The following CEP128 variants were observed in gnomAD, a reference collection of about 807,000 sequenced individuals.
CEP128 encodes centrosomal protein 128.
CEP128 carries 132 observed loss-of-function variants against 156.7 expected under a neutral mutation model. That is an observed-to-expected ratio of 0.84 (90% confidence interval 0.73 to 0.97). The LOEUF is 0.97. Ranked by LOEUF, CEP128 falls within the 50% of genes least tolerant of loss-of-function variation. The pLI is 0.00. For synonymous variants in CEP128, 469 were observed against 448.9 expected, an observed-to-expected ratio of 1.04 and a Z score of -0.57; for missense variants, 1,252 against 1,281.9, an observed-to-expected ratio of 0.98 and a Z score of 0.36.
At chr14:80,918,363 T>C (rs973309217) in intron 2 of CEP128, among the ~76,000 whole-genome samples, 1 of 152,192 alleles carries the variant, frequency 6.6e-6, no homozygotes, top group African/African-American at 2.4e-5. Context: ...TCAAGCATTT[T>C]CCATTAGTGA....
chr14:80,672,180 TAAAA>T (rs1895868680), intron 19 of CEP128, among the ~76,000 whole-genome samples: 1 of 151,708 alleles, frequency 6.6e-6, no homozygotes, highest in African/African-American at 2.4e-5. Context: ...TCATTACAAA[TAAAA>T]AAACTCAAGC....
chr14:80,761,373 C>T (rs1899958266), intron 17 of CEP128, 64 bp downstream of exon 17: 14 of 1,209,934 alleles, frequency 1.2e-5, no homozygotes, highest in Non-Finnish European at 1.6e-5. Context: ...CATGAAAATC[C>T]TATTACAATT....
downstream of CEP128, among the ~76,000 whole-genome samples, chr14:80,491,690 T>G (rs1051026317): frequency 6.6e-6 from 1 of 152,118 alleles, no homozygotes; most frequent in Non-Finnish European, 1.5e-5. Context: ...AGCCGATCAC[T>G]CTGCACCCAG....
chr14:80,943,495 A>T (rs888194191), upstream of CEP128, among the ~76,000 whole-genome samples: 8 of 151,896 alleles, frequency 5.3e-5, no homozygotes, highest in South Asian at 6.2e-4. Context: ...AGAGAATTGG[A>T]TTCTATTCTA....
rs574952460 is a variant in CEP128 at position 80,797,267 on chromosome 14, A to T, written c.1210-4157T>A. Among the ~76,000 whole-genome samples the T allele has an allele frequency of 1.4e-4, 22 of 152,328 alleles. No individual in the cohort carries two copies. In the South Asian group the frequency reaches 4.6e-3, roughly 32 times the overall value. ...GGCAAACTCTTTTGTTCTCACATTT[A>T]AAAACTGCGGACTCTTATATTAACA... On this transcript the variant is annotated intron_variant, in intron 13 of 24. Coordinates refer to ENST00000555265, the MANE Select transcript of CEP128 (RefSeq NM_152446.5).
chr14:80,676,941 G>A (rs1193863764), intron 19 of CEP128, among the ~76,000 whole-genome samples: 4 of 152,068 alleles, frequency 2.6e-5, no homozygotes, highest in Admixed American at 1.3e-4. Flanking sequence ...TGAATGAAAT[G>A]AGCCTAAAAT....
intron 13 of CEP128, among the ~76,000 whole-genome samples, chr14:80,827,884 T>C: frequency 6.6e-6 from 1 of 152,128 alleles, no homozygotes; most frequent in East Asian, 1.9e-4. Context: ...ATCTCAGTTT[T>C]TGCAATTACT....
Position 80,514,410 on chromosome 14 carries a change from A to AT in CEP128, c.3073-9391dup, listed in dbSNP as rs529317284. Among the ~76,000 whole-genome samples the AT allele has an allele frequency of 7.4e-3, 1,072 of 145,378 alleles. 18 individuals are homozygous for AT. The highest frequency in any genetic ancestry group is 0.024 in the African/African-American group (961 of 39,904). ...CTAGATCTTATAGGTGTACTTCATT[A>AT]TTTTTTTTTTTGTCTCCTCTGACTG... On this transcript the variant is annotated intron_variant, in intron 23 of 24. Transcript: ENST00000555265.
At chr14:80,639,167 G>A (rs1595133059) in intron 19 of CEP128, among the ~76,000 whole-genome samples, 1 of 152,174 alleles carries the variant, frequency 6.6e-6, no homozygotes, top group East Asian at 1.9e-4. Flanking sequence ...CCACAAATGA[G>A]ATTCAAATTC....
chr14:80,805,133 AGGTTT>A (rs2139910572), intron 13 of CEP128, among the ~76,000 whole-genome samples: 1 of 152,120 alleles, frequency 6.6e-6, no homozygotes, highest in South Asian at 2.1e-4. Flanking sequence ...ATAAACCTCA[AGGTTT>A]ATCCCAAACC....
intron 8 of CEP128, among the ~76,000 whole-genome samples, chr14:80,874,252 T>C (rs1888169112): frequency 6.6e-6 from 1 of 151,898 alleles, no homozygotes; most frequent in African/African-American, 2.4e-5. Context: ...CCATCTGAGG[T>C]CAGGAGTTTG....
At chr14:80,711,339 ATGTC>A (rs1897399474) in intron 19 of CEP128, among the ~76,000 whole-genome samples, 2 of 135,574 alleles carry the variant, frequency 1.5e-5, no homozygotes, top group Non-Finnish European at 3.2e-5. Flanking sequence ...GTGTGTCTAT[ATGTC>A]TGTGTGTGTG....
intron 23 of CEP128, among the ~76,000 whole-genome samples, chr14:80,520,838 T>A (rs1274599325): frequency 4.7e-5 from 7 of 150,150 alleles, no homozygotes; most frequent in Admixed American, 3.9e-4. Context: ...TTATTTATTT[T>A]TTGAGATGGA....
rs372674914 is a variant in CEP128, at chr14:80,871,979, T to C, written c.646-9106A>G. Among the ~76,000 whole-genome samples, 90 of 152,258 alleles carry C rather than the reference T, an allele frequency of 5.9e-4. 1 individual carries two copies. In the South Asian group the frequency reaches 0.017, roughly 28 times the overall value. On this transcript the variant is annotated intron_variant, in intron 8 of 24. Transcript: ENST00000555265. ...TTCAAAGTCCACTTAAATAAATATGTTATATATCCTGCTGCTGTGATCTAT... is the reference window on the plus strand; with the variant it reads ...TTCAAAGTCCACTTAAATAAATATGCTATATATCCTGCTGCTGTGATCTAT...
intron 20 of CEP128, among the ~76,000 whole-genome samples, chr14:80,575,277 CT>C (rs1891309045): frequency 6.6e-6 from 1 of 151,780 alleles, no homozygotes; most frequent in Non-Finnish European, 1.5e-5. Flanking sequence ...TTCAAAAATA[CT>C]TATGACAACA....
At chr14:80,600,459 T>G (rs1220864416) in intron 19 of CEP128, among the ~76,000 whole-genome samples, 1 of 152,144 alleles carries the variant, frequency 6.6e-6, no homozygotes, top group Admixed American at 6.5e-5. Flanking sequence ...GATTACATAT[T>G]CGAAGGGATA....
chr14:80,794,585 T>A (rs1415274248), intron 13 of CEP128, among the ~76,000 whole-genome samples: 1 of 152,170 alleles, frequency 6.6e-6, no homozygotes, highest in Non-Finnish European at 1.5e-5. Flanking sequence ...ATCAAGTGAT[T>A]CCTGATCAAA....
chr14:80,787,431 C>A (rs1901468064), intron 14 of CEP128, among the ~76,000 whole-genome samples: 1 of 152,086 alleles, frequency 6.6e-6, no homozygotes, highest in Non-Finnish European at 1.5e-5. Context: ...AGCTCCAACT[C>A]TCTCTGACGT....
chr14:80,690,483 A>G (rs758466213), intron 19 of CEP128, among the ~76,000 whole-genome samples: 1 of 152,006 alleles, frequency 6.6e-6, no homozygotes, highest in Non-Finnish European at 1.5e-5. Flanking sequence ...AATAGCTTAG[A>G]GTTCTCACAA....
Sources: gnomAD v4.1 joint callset for allele counts (sites outside exome capture counted in the v4.1 genomes callset) on GRCh38, gnomAD v4.1.1 for gene constraint, MANE v1.5 for transcripts, NCBI Gene and HGNC (gene_info 2026-07-23, HGNC 2026-07-21) for gene names.